KIDINS220: variants seen among roughly 807,000 people sequenced by gnomAD.
KIDINS220 encodes the protein kinase D interacting substrate 220, also known as kinase D-interacting substrate of 220 kDa.
KIDINS220 carries 63 observed loss-of-function variants against 157.6 expected under a neutral mutation model. That is an observed-to-expected ratio of 0.40 (90% CI 0.33 to 0.49). The LOEUF is 0.49. Among genes scored for constraint, KIDINS220 ranks in the 20% least tolerant of loss-of-function variants. KIDINS220 has a pLI of 0.66. For synonymous variants in KIDINS220, 732 were observed against 783.6 expected, an observed-to-expected ratio of 0.93 and a Z score of 1.10; for missense variants, 1,772 against 2,171.2, an observed-to-expected ratio of 0.82 and a Z score of 3.65.
rs184841897 is a variant in KIDINS220 at position 8,794,038 on chromosome 2, T to A, written c.1099-51A>T. 5 of 1,331,972 alleles carry A rather than the reference T, an allele frequency of 3.8e-6. No homozygotes were observed. In the Admixed American group the frequency reaches 9.9e-5, roughly 26 times the overall value. The allele number at this position is 1,331,972 out of a possible 1,614,324, so 82.5% of individuals were successfully genotyped here. On this transcript the variant is annotated intron_variant, in intron 11 of 29. Transcript: ENST00000256707. Reference sequence around the variant, plus strand: ...AACTTTCTTATCTTTATATATAGTATGCAGACAGTAACAATTTTCATGTTT... The same window carrying A: ...AACTTTCTTATCTTTATATATAGTAAGCAGACAGTAACAATTTTCATGTTT...
downstream of KIDINS220, chr2:8,726,811 G>A: frequency 1.7e-6 from 1 of 599,972 alleles, no homozygotes; most frequent in South Asian, 1.5e-5. Flanking sequence ...TGTCACAGAT[G>A]TGGTCCTTTG....
chr2:8,728,591 T>C (rs1160847613), downstream of KIDINS220, among the ~76,000 whole-genome samples: 2 of 152,330 alleles, frequency 1.3e-5, no homozygotes, highest in East Asian at 3.9e-4. Flanking sequence ...AAAGCAAACT[T>C]TTCCAGGAAG....
At chr2:8,812,946 C>T (rs767284228) in intron 5 of KIDINS220, among the ~76,000 whole-genome samples, 2 of 152,102 alleles carry the variant, frequency 1.3e-5, no homozygotes, top group Non-Finnish European at 2.9e-5. Flanking sequence ...TAAGGATTCA[C>T]ACACAGAAAA....
intron 9 of KIDINS220, among the ~76,000 whole-genome samples, chr2:8,799,927 T>C (rs765292983): frequency 2.0e-5 from 3 of 152,134 alleles, no homozygotes; most frequent in Non-Finnish European, 4.4e-5. Flanking sequence ...CCTTAAGCAA[T>C]GTCCATAGGC....
intron 22 of KIDINS220, among the ~76,000 whole-genome samples, chr2:8,759,184 T>C (rs1199654476): frequency 6.6e-6 from 1 of 152,218 alleles, no homozygotes; most frequent in African/African-American, 2.4e-5. Context: ...TTCAAGTGTG[T>C]TTGTCTATTT....
At chr2:8,743,650 T>C (rs1035444149) in intron 26 of KIDINS220, among the ~76,000 whole-genome samples, 2 of 152,216 alleles carry the variant, frequency 1.3e-5, no homozygotes, top group East Asian at 3.8e-4. Context: ...CGCCATGGTC[T>C]CCTGCATTCT....
At chr2:8,777,176 G>C (rs1671081675) in intron 20 of KIDINS220, among the ~76,000 whole-genome samples, 1 of 152,224 alleles carries the variant, frequency 6.6e-6, no homozygotes, top group Admixed American at 6.5e-5. Flanking sequence ...AAGATTATAA[G>C]TAGGCAGAAT....
At chr2:8,800,265 T>C (rs1674507164) in intron 9 of KIDINS220, 135 bp downstream of exon 9, 1 of 535,128 alleles carries the variant, frequency 1.9e-6, no homozygotes, top group African/African-American at 1.9e-5. Flanking sequence ...AACTTAGTAA[T>C]AATATACGTC....
intron 1 of KIDINS220, among the ~76,000 whole-genome samples, chr2:8,831,172 C>G (rs573570489): frequency 6.6e-6 from 1 of 152,308 alleles, no homozygotes; most frequent in South Asian, 2.1e-4. Flanking sequence ...TGCAAATACA[C>G]AATTCCTACG....
At chr2:8,744,285 A>C (rs1019760907) in intron 26 of KIDINS220, among the ~76,000 whole-genome samples, 25 of 140,058 alleles carry the variant, frequency 1.8e-4, no homozygotes, top group African/African-American at 6.6e-4. Flanking sequence ...TAAGCACTAC[A>C]GTGTTCCTTA....
chr2:8,751,352 A>T, intron 23 of KIDINS220, 114 bp downstream of exon 23: 1 of 740,896 alleles, frequency 1.3e-6, no homozygotes, highest in African/African-American at 1.8e-5. Flanking sequence ...TGTAGTGCTT[A>T]GTTCAATACC....
At chr2:8,792,396 A>C (rs1340654556) in intron 12 of KIDINS220, among the ~76,000 whole-genome samples, 1 of 152,196 alleles carries the variant, frequency 6.6e-6, no homozygotes, top group Non-Finnish European at 1.5e-5. Flanking sequence ...CTCTTACATC[A>C]ATTTTTTTAA....
In KIDINS220 at chr2:8,758,853, C is replaced by G. The variant is rs112066354; in HGVS notation, c.3012-7209G>C. ...AGCTTAGGGGGTCAGAAAGTAGACA[C>G]TTTGTCTGCCACAGCCAAAGTAATA... On this transcript the variant is annotated intron_variant, in intron 22 of 29. Coordinates refer to ENST00000256707, the MANE Select transcript of KIDINS220 (RefSeq NM_020738.4). Among the ~76,000 whole-genome samples the G allele has an allele frequency of 1.0e-3, 158 of 152,268 alleles. 4 individuals are homozygous for G. In the East Asian group the frequency reaches 0.028, roughly 27 times the overall value.
At chr2:8,807,453 G>A in intron 6 of KIDINS220, among the ~76,000 whole-genome samples, 1 of 152,214 alleles carries the variant, frequency 6.6e-6, no homozygotes, top group East Asian at 1.9e-4. Flanking sequence ...TGTGCTGTGA[G>A]ATACAGTAGT....
chr2:8,799,512 GGC>G (rs1674406037), intron 9 of KIDINS220, among the ~76,000 whole-genome samples: 1 of 151,914 alleles, frequency 6.6e-6, no homozygotes, highest in Non-Finnish European at 1.5e-5. Flanking sequence ...CAGACCTTAA[GGC>G]CTTCTTTCCC....
At chr2:8,761,419 C>G (rs1301279403) in intron 22 of KIDINS220, among the ~76,000 whole-genome samples, 1 of 152,114 alleles carries the variant, frequency 6.6e-6, no homozygotes, top group Non-Finnish European at 1.5e-5. Context: ...ATTTTTATAT[C>G]TAAATGCAAA....
At position 8,736,956 on chromosome 2, in the gene KIDINS220, A is replaced by G. The variant is rs779302195; in HGVS notation, c.3629T>C (p.Leu1210Pro). 6.2e-7 allele frequency: 1 copy of G among 1,614,090 alleles called. No individual in the cohort carries two copies. Among genetic ancestry groups the G allele is most frequent in the South Asian group, 1.1e-5 (1 of 91,084 alleles). ...APGPVVLLNSLNVDAVCEKLK... is the reference protein window; with the variant it reads ...APGPVVLLNSPNVDAVCEKLK... ...CTTCTCACATACTGCATCCACATTC[A>G]GTGAATTCAGTAATACCACTGGGCC... Residue 1210 changes from leucine to proline, a missense_variant, in exon 27 of 30, where the codon CTG becomes CCG. Leu to Pro is a moderately conservative substitution (Grantham distance 98). Coordinates refer to ENST00000256707, the MANE Select transcript of KIDINS220 (RefSeq NM_020738.4).
chr2:8,721,870 T>A (rs1198331447), downstream of KIDINS220: 1 of 152,198 alleles, frequency 6.6e-6, no homozygotes, highest in Non-Finnish European at 1.5e-5. Context: ...GTCATGAAGA[T>A]CAAATTAGGT....
chr2:8,733,610 C>A lies in KIDINS220; in HGVS notation c.3887G>T (p.Ser1296Ile), dbSNP rs1052196278. The A allele has an allele frequency of 6.2e-6, 10 of 1,613,146 alleles. No individual in the cohort carries two copies. The highest frequency in any genetic ancestry group is 7.6e-6 in the Non-Finnish European group (9 of 1,179,404). Residue 1296 changes from serine (S) to isoleucine (I), a missense_variant, in exon 29 of 30, where the codon AGT (serine) becomes ATT (isoleucine). Around this residue, in one of 3 missense-constraint regions of KIDINS220, gnomAD observed 793 missense variants for 885.5 expected, o/e 0.90. Transcript: ENST00000256707. ...AGGCTCACCGTGCGGGGCTGGGCCA[C>A]TGCTGCTCTCACTGAGGAAACGTGG... ...EDPRFLSESS[S>I]GPAPHGEPAR...
Sources: allele counts gnomAD v4.1 joint callset (sites outside exome capture counted in the v4.1 genomes callset), GRCh38; gene constraint gnomAD v4.1.1; regional missense constraint gnomAD v4.1.1; transcripts MANE v1.5; gene names NCBI Gene and HGNC (gene_info 2026-07-23, HGNC 2026-07-21).